The following MAP3K15 variants were observed in gnomAD, a reference collection of about 807,000 sequenced individuals.
The protein encoded by MAP3K15 is mitogen-activated protein kinase kinase kinase 15.
In MAP3K15, 124 loss-of-function variants were observed where a neutral mutation model predicts 99.5. The ratio of observed to expected loss-of-function variants is 1.25; its 90% CI spans 1.08 to 1.45. The LOEUF is 1.45. Ranked by LOEUF, MAP3K15 falls within the 40% of genes most tolerant of loss-of-function variation. The probability of loss-of-function intolerance (pLI) is 0.00; values close to 1 mark genes in which losing one functional copy is unlikely to be tolerated. For missense variants in MAP3K15, 1,242 were observed against 1,079.7 expected (o/e 1.15, Z -2.11); for synonymous variants, 494 against 439.6 (o/e 1.12, Z -1.55).
chrX:19,484,442 C>T (rs1053782534), intron 3 of MAP3K15, among the ~76,000 whole-genome samples: 6 of 111,773 alleles, frequency 5.4e-5, no homozygotes, highest in South Asian at 3.8e-4. Flanking sequence ...GGTTGGGGAC[C>T]GCTGCTTTAG....
chrX:19,395,276 A>T (rs2063560753), intron 15 of MAP3K15, 68 bp from the exon 16 acceptor site: 1 of 1,066,601 alleles, frequency 9.4e-7, no homozygotes, highest in African/African-American at 1.9e-5. Context: ...ATCTCACCTC[A>T]CCAGGACCTG....
rs765812303 is a variant in MAP3K15 at position 19,365,988 on chromosome X, T to C, written c.3566+3066A>G. On this transcript the variant is annotated intron_variant, in intron 25 of 28. Transcript: ENST00000338883. ...TGCCACTGCACTCCAGCCTGGATGATAGAGCGAGCCTCCATCTCAAAAAAA... is the reference window on the plus strand; with the variant it reads ...TGCCACTGCACTCCAGCCTGGATGACAGAGCGAGCCTCCATCTCAAAAAAA... Among the ~76,000 whole-genome samples the C allele has an allele frequency of 5.0e-5, 4 of 79,403 alleles. No homozygotes were observed. The Admixed American group carries it at 6.1e-4, about 12-fold the overall frequency. 69.0% of individuals were successfully genotyped at this position (79,403 alleles called of 115,157 possible). A position where few individuals can be genotyped will look rare whatever the true frequency, so the allele number is the denominator to read the frequency against.
intron 3 of MAP3K15, among the ~76,000 whole-genome samples, chrX:19,473,787 A>G (rs1245203001): frequency 8.9e-6 from 1 of 112,081 alleles, no homozygotes; most frequent in Non-Finnish European, 1.9e-5. Flanking sequence ...TATCACCACC[A>G]TGAAAAGACT....
At chrX:19,456,833 A>G (rs2064096687) in intron 6 of MAP3K15, 80 bp downstream of exon 6, 2 of 724,023 alleles carry the variant, frequency 2.8e-6, no homozygotes, top group Non-Finnish European at 4.1e-6. Flanking sequence ...CCTGGCTCAT[A>G]CCCGATGTTG....
intron 4 of MAP3K15, among the ~76,000 whole-genome samples, chrX:19,461,512 T>C (rs981288759): frequency 7.1e-5 from 8 of 112,730 alleles, no homozygotes; most frequent in African/African-American, 2.3e-4. Context: ...ATCACCATAG[T>C]CTCTTGAAGA....
intron 16 of MAP3K15, 98 bp downstream of exon 16, chrX:19,394,983 G>A: frequency 9.7e-7 from 1 of 1,034,642 alleles, no homozygotes; most frequent in Non-Finnish European, 1.3e-6. Context: ...TACAGGCCTG[G>A]CTTAGGGGTC....
Position 19,412,901 on chromosome X carries a change from AT to A in MAP3K15, c.1698+455del, listed in dbSNP as rs773604536. Among the ~76,000 whole-genome samples, 306 of 108,524 alleles carry A rather than the reference AT, an allele frequency of 2.8e-3. 1 individual carries two copies. The highest frequency in any genetic ancestry group is 9.8e-3 in the African/African-American group (291 of 29,725). 94.2% of individuals were successfully genotyped at this position (108,524 alleles called of 115,157 possible). A position where few individuals can be genotyped will look rare whatever the true frequency, so the allele number is the denominator to read the frequency against. On this transcript the variant is annotated intron_variant, in intron 11 of 28. Transcript: ENST00000338883. ...AGGTGTGCACCACCACACCCGGCTA[AT>A]TTTTTAAATTTATTTTTTATAGAGA... is the stretch of plus-strand genomic sequence containing the variant.
chrX:19,365,663 A>G (rs1483768416), intron 25 of MAP3K15, among the ~76,000 whole-genome samples: 3 of 111,932 alleles, frequency 2.7e-5, no homozygotes, highest in Non-Finnish European at 3.8e-5. Flanking sequence ...TAATTCATTT[A>G]TATGATCCAT....
At chrX:19,456,584 A>G (rs1282118423) in intron 6 of MAP3K15, among the ~76,000 whole-genome samples, 2 of 112,255 alleles carry the variant, frequency 1.8e-5, no homozygotes, top group East Asian at 2.8e-4. Flanking sequence ...CACAAATCAT[A>G]TACTTAAGAT....
At chrX:19,500,683 G>T (rs1393171403) in intron 1 of MAP3K15, among the ~76,000 whole-genome samples, 1 of 112,288 alleles carries the variant, frequency 8.9e-6, no homozygotes, top group Non-Finnish European at 1.9e-5. Context: ...CAAGAATTTT[G>T]CCAGCCTGCT....
intron 3 of MAP3K15, chrX:19,466,725 C>A (rs145266915): frequency 8.9e-6 from 1 of 112,216 alleles, no homozygotes; most frequent in African/African-American, 3.2e-5. Context: ...GAGAAAAGGA[C>A]TGTGTAGATC....
intron 13 of MAP3K15, among the ~76,000 whole-genome samples, chrX:19,400,936 C>A (rs1602274071): frequency 1.8e-5 from 2 of 111,404 alleles, no homozygotes; most frequent in Admixed American, 1.9e-4. Context: ...GAACTCATTA[C>A]CTCCCAAAGA....
At chrX:19,368,846 T>G (rs1224609239) in intron 25 of MAP3K15, among the ~76,000 whole-genome samples, 2 of 109,993 alleles carry the variant, frequency 1.8e-5, no homozygotes. Context: ...TCTGAGTTTT[T>G]TTTTTTTTTT....
At chrX:19,421,680 T>C (rs1194382950) in intron 9 of MAP3K15, among the ~76,000 whole-genome samples, 1 of 95,548 alleles carries the variant, frequency 1.0e-5, no homozygotes, top group Admixed American at 1.0e-4. Context: ...AAAAAACTAC[T>C]TTAAAGTTCA....
intron 3 of MAP3K15, among the ~76,000 whole-genome samples, chrX:19,474,545 G>GA (rs1248778268): frequency 4.1e-5 from 4 of 97,164 alleles, no homozygotes; most frequent in East Asian, 3.5e-4. Context: ...TTGGAGGTTG[G>GA]GGGGGGGGGT....
chrX:19,382,386 G>A (rs932276944), intron 18 of MAP3K15, among the ~76,000 whole-genome samples: 4 of 111,433 alleles, frequency 3.6e-5, no homozygotes, highest in South Asian at 3.8e-4. Context: ...CAGCTGTGAC[G>A]GATGGAATGT....
Position 19,374,477 on chromosome X carries a change from C to T in MAP3K15, c.2773G>A (p.Glu925Lys). 1.7e-6 allele frequency: 2 copies of T among 1,210,092 alleles called. No individual in the cohort carries two copies. The highest frequency in any genetic ancestry group is 2.2e-6 in the Non-Finnish European group (2 of 894,553). The change falls in exon 20 of 29, where the codon GAA (glutamate) becomes AAA (lysine). Residue 925 changes from glutamate to lysine, a missense_variant and splice_region_variant. Transcript: ENST00000338883. The part of the protein sequence containing the change: ...KKNRIAFKPS[E>K]GPRGVVLALP... ...CCCCAGCTGTCCAGGGAGGCCTCAC[C>T]TGAGGGCTTGAAGGCAATTCGGTTC... is the stretch of plus-strand genomic sequence containing the variant.
intron 25 of MAP3K15, among the ~76,000 whole-genome samples, chrX:19,365,018 A>G (rs1429172712): frequency 1.8e-5 from 2 of 110,331 alleles, no homozygotes; most frequent in Admixed American, 1.9e-4. Context: ...AGCCTGGCCA[A>G]TATGGTGAAA....
intron 9 of MAP3K15, among the ~76,000 whole-genome samples, chrX:19,417,131 G>A (rs866829263): frequency 1.6e-4 from 18 of 111,839 alleles, no homozygotes; most frequent in Middle Eastern, 4.2e-3. Flanking sequence ...TGCAGAAGAC[G>A]GGTGATTTCT....
Sources: gnomAD v4.1 joint callset for allele counts (sites outside exome capture counted in the v4.1 genomes callset) on GRCh38, gnomAD v4.1.1 for gene constraint, MANE v1.5 for transcripts, NCBI Gene and HGNC (gene_info 2026-07-23, HGNC 2026-07-21) for gene names.